The following ST6GALNAC5 variants were observed in gnomAD, a reference collection of about 807,000 sequenced individuals.
The protein encoded by ST6GALNAC5 is ST6 N-acetylgalactosaminide alpha-2,6-sialyltransferase 5.
Under a neutral mutation model 33.6 loss-of-function variants are expected in ST6GALNAC5, and 27 were observed. That is an observed-to-expected ratio of 0.80 (90% CI 0.59 to 1.11). ST6GALNAC5 has a LOEUF of 1.11. Among genes scored for constraint, ST6GALNAC5 ranks in the 50% least tolerant of loss-of-function variants. ST6GALNAC5 has a pLI of 0.00. For synonymous variants in ST6GALNAC5, 194 were observed against 171.2 expected, an observed-to-expected ratio of 1.13 and a Z score of -1.04; for missense variants, 428 against 454.0, an observed-to-expected ratio of 0.94 and a Z score of 0.52.
chr1:76,914,743 A>G, intron 2 of ST6GALNAC5, among the ~76,000 whole-genome samples: 1 of 152,172 alleles, frequency 6.6e-6, no homozygotes, highest in East Asian at 1.9e-4. Context: ...AAACCCTAGA[A>G]GAAAACCTAG....
At position 77,021,051 on chromosome 1, in the gene ST6GALNAC5, C is replaced by T. The variant is rs184728381; in HGVS notation, c.262-23153C>T. ...AGCCACACAGTGACACTTTCCACTG[C>T]ATTCTGTTCTTCGCAGGTGAGACAC... On this transcript the variant is annotated intron_variant, in intron 2 of 4. Coordinates refer to ENST00000477717, the MANE Select transcript of ST6GALNAC5 (RefSeq NM_030965.3). Among the ~76,000 whole-genome samples the T allele has an allele frequency of 2.6e-4, 39 of 152,344 alleles. 1 individual carries two copies. Among genetic ancestry groups the T allele is most frequent in the African/African-American group, 8.2e-4 (34 of 41,592 alleles).
At chr1:77,027,273 G>C (rs1055635136) in intron 2 of ST6GALNAC5, among the ~76,000 whole-genome samples, 1 of 152,186 alleles carries the variant, frequency 6.6e-6, no homozygotes, top group Non-Finnish European at 1.5e-5. Flanking sequence ...TCTTCTACTT[G>C]GGCTTATGAC....
chr1:77,043,902 C>T (rs1488222357), intron 2 of ST6GALNAC5, among the ~76,000 whole-genome samples: 2 of 152,074 alleles, frequency 1.3e-5, no homozygotes, highest in South Asian at 2.1e-4. Context: ...GTAAAATGAC[C>T]ACGAGAGAAA....
chr1:76,984,487 G>A (rs1649397168), intron 2 of ST6GALNAC5, among the ~76,000 whole-genome samples: 1 of 152,112 alleles, frequency 6.6e-6, no homozygotes, highest in Non-Finnish European at 1.5e-5. Flanking sequence ...TCTCTGAATA[G>A]ACCAATAACA....
At chr1:76,870,992 T>A (rs1557704373) in intron 2 of ST6GALNAC5, among the ~76,000 whole-genome samples, 1 of 152,254 alleles carries the variant, frequency 6.6e-6, no homozygotes, top group Non-Finnish European at 1.5e-5. Flanking sequence ...CTACTATTTA[T>A]CTGGCTGCAA....
At chr1:76,945,516 T>C (rs997135519) in intron 2 of ST6GALNAC5, among the ~76,000 whole-genome samples, 1 of 152,142 alleles carries the variant, frequency 6.6e-6, no homozygotes, top group Non-Finnish European at 1.5e-5. Flanking sequence ...TTTCATGTTC[T>C]ACATTGTGAA....
chr1:76,978,410 C>T (rs2100377041), intron 2 of ST6GALNAC5, among the ~76,000 whole-genome samples: 1 of 152,200 alleles, frequency 6.6e-6, no homozygotes. Context: ...CTCATCAACA[C>T]ATTAAAAAGA....
chr1:76,965,975 T>G (rs1030779573), intron 2 of ST6GALNAC5, among the ~76,000 whole-genome samples: 10 of 152,316 alleles, frequency 6.6e-5, no homozygotes, highest in Non-Finnish European at 1.3e-4. Context: ...TATATCTGTT[T>G]TGGTACCAGT....
At chr1:76,911,821 C>A (rs1646916693) in intron 2 of ST6GALNAC5, among the ~76,000 whole-genome samples, 2 of 151,898 alleles carry the variant, frequency 1.3e-5, no homozygotes, top group African/African-American at 2.4e-5. Flanking sequence ...CTCTTTTTTT[C>A]TTTATTAGTC....
chr1:76,943,888 A>T (rs1647419195), intron 2 of ST6GALNAC5, among the ~76,000 whole-genome samples: 1 of 152,168 alleles, frequency 6.6e-6, no homozygotes, highest in Non-Finnish European at 1.5e-5. Context: ...TGGTTAATAC[A>T]CATTTCAAAT....
chr1:77,001,611 A>T (rs1395358098), intron 2 of ST6GALNAC5, among the ~76,000 whole-genome samples: 1 of 151,980 alleles, frequency 6.6e-6, no homozygotes, highest in East Asian at 1.9e-4. Context: ...CCCATTCAGT[A>T]TGATATTGGC....
At chr1:76,946,684 G>A (rs902753223) in intron 2 of ST6GALNAC5, among the ~76,000 whole-genome samples, 16 of 151,888 alleles carry the variant, frequency 1.1e-4, no homozygotes, top group African/African-American at 1.7e-4. Context: ...TAAGAGTTGC[G>A]GTTGTTTAGT....
intron 2 of ST6GALNAC5, among the ~76,000 whole-genome samples, chr1:76,938,207 T>C (rs547326635): frequency 3.1e-4 from 47 of 152,110 alleles, no homozygotes; most frequent in African/African-American, 1.0e-3. Flanking sequence ...AGTTTTTGCA[T>C]GGTGTGGTGA....
chr1:77,008,653 C>T (rs929942257), intron 2 of ST6GALNAC5, among the ~76,000 whole-genome samples: 5 of 152,112 alleles, frequency 3.3e-5, no homozygotes, highest in African/African-American at 1.2e-4. Context: ...CCCCAGCCTC[C>T]GGAGTAGCTG....
At chr1:76,870,864 C>T (rs969131839) in intron 2 of ST6GALNAC5, among the ~76,000 whole-genome samples, 2 of 152,180 alleles carry the variant, frequency 1.3e-5, no homozygotes, top group Non-Finnish European at 2.9e-5. Flanking sequence ...CACGTCACCA[C>T]AAGCAAAGGA....
chr1:76,998,547 T>C (rs1650024785), intron 2 of ST6GALNAC5, among the ~76,000 whole-genome samples: 1 of 152,216 alleles, frequency 6.6e-6, no homozygotes, highest in Non-Finnish European at 1.5e-5. Context: ...AGATTAATTA[T>C]GGTCACTGAG....
intron 2 of ST6GALNAC5, among the ~76,000 whole-genome samples, chr1:76,902,371 A>T (rs1056643553): frequency 2.6e-5 from 4 of 152,190 alleles, no homozygotes; most frequent in Non-Finnish European, 5.9e-5. Flanking sequence ...ATTACAGAAG[A>T]TCTACATAAG....
intron 2 of ST6GALNAC5, among the ~76,000 whole-genome samples, chr1:76,894,654 A>T (rs1466458723): frequency 2.0e-5 from 3 of 152,222 alleles, no homozygotes; most frequent in African/African-American, 7.2e-5. Flanking sequence ...ATAAGTGAAG[A>T]TGGTGATGTT....
At chr1:76,870,856 C>T (rs1010241293) in intron 2 of ST6GALNAC5, among the ~76,000 whole-genome samples, 1 of 152,168 alleles carries the variant, frequency 6.6e-6, no homozygotes, top group African/African-American at 2.4e-5. Context: ...AGGGAGTTCA[C>T]GTCACCACAA....
Sources: allele counts gnomAD v4.1 joint callset (sites outside exome capture counted in the v4.1 genomes callset), GRCh38; gene constraint gnomAD v4.1.1; transcripts MANE v1.5; gene names NCBI Gene and HGNC (gene_info 2026-07-23, HGNC 2026-07-21).